Variants in DGKI observed in about 807,000 individuals in gnomAD.
DGKI encodes diacylglycerol kinase iota.
A neutral mutation model predicts 147.5 loss-of-function variants in DGKI; 55 were observed. The observed-to-expected ratio is 0.37, with a 90% CI of 0.30 to 0.47. The LOEUF (loss-of-function observed/expected upper bound fraction) is 0.47, where lower values mean the gene tolerates loss of function less well. Among genes scored for constraint, DGKI ranks in the 20% least tolerant of loss-of-function variants. DGKI has a pLI of 1.00. For missense variants in DGKI, 1,007 were observed against 1,323.8 expected (o/e 0.76, Z 3.71); for synonymous variants, 469 against 477.1 (o/e 0.98, Z 0.22).
chr7:137,599,377 T>A (rs554673958), intron 11 of DGKI, among the ~76,000 whole-genome samples: 54 of 152,040 alleles, frequency 3.6e-4, no homozygotes, highest in Admixed American at 8.5e-4. Context: ...TCTCTCTCTC[T>A]CACACACAAG....
intron 23 of DGKI, among the ~76,000 whole-genome samples, chr7:137,482,439 T>A (rs1341003212): frequency 1.3e-5 from 2 of 152,038 alleles, no homozygotes; most frequent in East Asian, 3.9e-4. Flanking sequence ...TCCGGCCTTG[T>A]AGTTTTAAGC....
intron 20 of DGKI, among the ~76,000 whole-genome samples, chr7:137,526,367 C>T (rs1164276762): frequency 6.8e-6 from 1 of 146,102 alleles, no homozygotes; most frequent in Non-Finnish European, 1.5e-5. Flanking sequence ...ATTCCCTTTC[C>T]TATTGGGGTA....
chr7:137,576,525 G>A (rs1818983002), intron 17 of DGKI, among the ~76,000 whole-genome samples: 1 of 151,920 alleles, frequency 6.6e-6, no homozygotes, highest in Non-Finnish European at 1.5e-5. Context: ...TTACTATAAG[G>A]AAACATTAAT....
rs1043622162 is a variant in DGKI at position 137,385,306 on chromosome 7, G to A, written c.*5914C>T. On this transcript the variant is annotated 3_prime_UTR_variant, in exon 33 of 33. Transcript: ENST00000614521. ...CCCCTAGATATTTTTAAAATTCTCA[G>A]TTATAAAGCAAAGTTTAACAAATCA... 1 of 151,954 alleles carries A rather than the reference G, an allele frequency of 6.6e-6. No homozygotes were observed. The highest frequency in any genetic ancestry group is 6.6e-5 in the Admixed American group (1 of 15,208). The allele number at this position is 151,954 out of a possible 1,614,324, so 9.4% of individuals were successfully genotyped here. A position where few individuals can be genotyped will look rare whatever the true frequency, so the allele number is the denominator to read the frequency against.
chr7:137,717,172 G>C (rs1016556329), intron 1 of DGKI, among the ~76,000 whole-genome samples: 2 of 152,202 alleles, frequency 1.3e-5, no homozygotes, highest in African/African-American at 4.8e-5. Flanking sequence ...ATAAAGAAAT[G>C]TTGCCCTGTA....
At chr7:137,392,535 G>C (rs912186811) in intron 32 of DGKI, among the ~76,000 whole-genome samples, 1 of 152,134 alleles carries the variant, frequency 6.6e-6, no homozygotes, top group Admixed American at 6.5e-5. Context: ...AGATACTGGC[G>C]ACCTCAATCC....
At chr7:137,776,007 T>C (rs1796351554) in intron 1 of DGKI, among the ~76,000 whole-genome samples, 1 of 152,064 alleles carries the variant, frequency 6.6e-6, no homozygotes, top group Non-Finnish European at 1.5e-5. Flanking sequence ...TATAAGCATG[T>C]GCCACCATGC....
chr7:137,626,448 T>A (rs2129000086), intron 6 of DGKI, among the ~76,000 whole-genome samples: 1 of 151,032 alleles, frequency 6.6e-6, no homozygotes, highest in East Asian at 2.0e-4. Flanking sequence ...CACCTGAGAG[T>A]TGCAACCGCC....
chr7:137,697,850 T>G (rs1823843386), intron 1 of DGKI, among the ~76,000 whole-genome samples: 1 of 152,050 alleles, frequency 6.6e-6, no homozygotes, highest in Non-Finnish European at 1.5e-5. Context: ...TGTCAAAATT[T>G]AGAATAATTT....
chr7:137,661,119 G>A (rs1340667754), intron 3 of DGKI, among the ~76,000 whole-genome samples: 1 of 152,168 alleles, frequency 6.6e-6, no homozygotes, highest in African/African-American at 2.4e-5. Context: ...CAACTGCACT[G>A]CCTGCTGACT....
At chr7:137,520,019 C>A (rs1816909191) in intron 21 of DGKI, among the ~76,000 whole-genome samples, 1 of 152,052 alleles carries the variant, frequency 6.6e-6, no homozygotes. Context: ...GAAGTTTCTT[C>A]ACATAGAAAT....
chr7:137,501,215 A>G (rs189150692), intron 21 of DGKI, among the ~76,000 whole-genome samples: 49 of 152,292 alleles, frequency 3.2e-4, no homozygotes, highest in South Asian at 1.0e-3. Flanking sequence ...TTTTTATGGC[A>G]TAACAATAAT....
At chr7:137,839,832 C>T (rs949110661) in intron 1 of DGKI, among the ~76,000 whole-genome samples, 12 of 152,182 alleles carry the variant, frequency 7.9e-5, no homozygotes, top group African/African-American at 2.7e-4. Flanking sequence ...GTCTGGAAAT[C>T]TAAAGGCAAA....
At chr7:137,620,083 T>C (rs900477009) in intron 7 of DGKI, 143 bp from the exon 8 acceptor site, 3 of 620,722 alleles carry the variant, frequency 4.8e-6, no homozygotes, top group Non-Finnish European at 8.6e-6. Flanking sequence ...TACATATGCA[T>C]GCACACATGC....
chr7:137,408,090 C>T, intron 29 of DGKI, 95 bp from the exon 30 acceptor site: 2 of 1,454,028 alleles, frequency 1.4e-6, no homozygotes, highest in Non-Finnish European at 1.9e-6. Context: ...TAGCAGACCA[C>T]AATGTTTCCA....
intron 28 of DGKI, among the ~76,000 whole-genome samples, chr7:137,439,573 C>G (rs1007739064): frequency 2.0e-5 from 3 of 152,160 alleles, no homozygotes; most frequent in Non-Finnish European, 2.9e-5. Context: ...CTCTACCTGG[C>G]CCCATCCTTG....
chr7:137,618,127 C>A (rs867077441), intron 8 of DGKI, among the ~76,000 whole-genome samples: 14 of 16,192 alleles, frequency 8.6e-4, no homozygotes, highest in South Asian at 0.023. Context: ...TTCTAAAATA[C>A]TATATATATA....
chr7:137,611,143 T>C, intron 8 of DGKI, among the ~76,000 whole-genome samples: 1 of 152,208 alleles, frequency 6.6e-6, no homozygotes, highest in East Asian at 1.9e-4. Flanking sequence ...TTTGTTATAT[T>C]TTGATAGATT....
At chr7:137,481,041 C>CT (rs924703083) in intron 23 of DGKI, among the ~76,000 whole-genome samples, 147 of 152,206 alleles carry the variant, frequency 9.7e-4, no homozygotes, top group African/African-American at 3.4e-3. Context: ...CATTTATGTA[C>CT]TGAGAACCGT....
Sources: gnomAD v4.1 joint callset for allele counts (sites outside exome capture counted in the v4.1 genomes callset) on GRCh38, gnomAD v4.1.1 for gene constraint, MANE v1.5 for transcripts, NCBI Gene and HGNC (gene_info 2026-07-23, HGNC 2026-07-21) for gene names.